The following STAU2 variants were observed in gnomAD, a reference collection of about 807,000 sequenced individuals.
STAU2 encodes double-stranded RNA-binding protein Staufen homolog 2.
STAU2 carries 20 observed loss-of-function variants against 65.9 expected under a neutral mutation model. That is an observed-to-expected ratio of 0.30 (90% CI 0.21 to 0.44). The LOEUF (loss-of-function observed/expected upper bound fraction) is 0.44. Ranked by LOEUF, STAU2 falls within the 20% of genes least tolerant of loss-of-function variation. STAU2 has a pLI of 1.00. For synonymous variants in STAU2, 232 were observed against 233.9 expected, an observed-to-expected ratio of 0.99 and a Z score of 0.07; for missense variants, 558 against 683.9, an observed-to-expected ratio of 0.82 and a Z score of 2.05.
intron 13 of STAU2, chr8:73,549,494 G>T: frequency 9.4e-6 from 3 of 319,160 alleles, no homozygotes; most frequent in Non-Finnish European, 1.4e-5. Flanking sequence ...AGGTTTAAAA[G>T]AATTTGAGCT....
At chr8:73,704,376 A>C (rs1468570882) in intron 4 of STAU2, among the ~76,000 whole-genome samples, 1 of 152,344 alleles carries the variant, frequency 6.6e-6, no homozygotes, top group Non-Finnish European at 1.5e-5. Flanking sequence ...CTATTTGAAC[A>C]AACCAAATGT....
chr8:73,741,162 G>A (rs969375896), intron 1 of STAU2, among the ~76,000 whole-genome samples: 2 of 150,504 alleles, frequency 1.3e-5, no homozygotes, highest in Admixed American at 6.6e-5. Flanking sequence ...AATATTAGCC[G>A]GGCGTGGTGG....
chr8:73,744,052 G>A (rs755257039), intron 1 of STAU2, among the ~76,000 whole-genome samples: 1 of 152,164 alleles, frequency 6.6e-6, no homozygotes, highest in African/African-American at 2.4e-5. Flanking sequence ...TTACAGGCAT[G>A]AGCCACCCCA....
At chr8:73,524,250 A>AG (rs1000216953) in intron 13 of STAU2, among the ~76,000 whole-genome samples, 2 of 152,148 alleles carry the variant, frequency 1.3e-5, no homozygotes, top group Non-Finnish European at 2.9e-5. Flanking sequence ...GACGGGGACT[A>AG]GGGGTTCAAG....
intron 6 of STAU2, among the ~76,000 whole-genome samples, chr8:73,624,322 G>C (rs776850711): frequency 4.1e-4 from 62 of 152,088 alleles, no homozygotes; most frequent in Admixed American, 9.8e-4. Flanking sequence ...ACTATGCAAA[G>C]CACAGCACGT....
At chr8:73,735,645 ATT>A (rs1224536979) in intron 3 of STAU2, among the ~76,000 whole-genome samples, 2 of 152,244 alleles carry the variant, frequency 1.3e-5, no homozygotes, top group Non-Finnish European at 2.9e-5. Context: ...AGTGCCAAGC[ATT>A]TTGGATAAGG....
rs1818429401 is a variant in STAU2 at position 73,681,496 on chromosome 8, T to C, written c.274+7158A>G. ...TAAATCTTGAAACAAAGCCTCAGAATACACCAAAACAGAACCTCCTTAAAG... is the reference window on the plus strand; with the variant it reads ...TAAATCTTGAAACAAAGCCTCAGAACACACCAAAACAGAACCTCCTTAAAG... On this transcript the variant is annotated intron_variant, in intron 5 of 14. Transcript: ENST00000524300. Among the ~76,000 whole-genome samples, 6 of 152,108 alleles carry C rather than the reference T, an allele frequency of 3.9e-5. 1 individual carries two copies. The South Asian group carries it at 1.2e-3, about 32-fold the overall frequency.
At chr8:73,727,581 T>A (rs1360931209) in intron 3 of STAU2, among the ~76,000 whole-genome samples, 1 of 152,248 alleles carries the variant, frequency 6.6e-6, no homozygotes, top group Admixed American at 6.5e-5. Flanking sequence ...ATTTATGGAA[T>A]ACAGACTACT....
intron 11 of STAU2, among the ~76,000 whole-genome samples, chr8:73,585,459 AACG>A (rs1442965301): frequency 6.6e-6 from 1 of 152,236 alleles, no homozygotes; most frequent in African/African-American, 2.4e-5. Flanking sequence ...CAGCCTGGAC[AACG>A]AGAGTGAAAC....
At chr8:73,467,026 C>G (rs1476027421) in intron 13 of STAU2, among the ~76,000 whole-genome samples, 1 of 152,332 alleles carries the variant, frequency 6.6e-6, no homozygotes, top group Middle Eastern at 3.4e-3. Context: ...ATAAACTGTT[C>G]AGGAAGTTTT....
intron 13 of STAU2, among the ~76,000 whole-genome samples, chr8:73,509,433 C>T (rs1822260566): frequency 1.3e-5 from 2 of 152,042 alleles, no homozygotes; most frequent in African/African-American, 4.8e-5. Flanking sequence ...TTCCTCTAAT[C>T]TGTGGCTTTT....
At chr8:73,618,270 G>C (rs528661062) in intron 6 of STAU2, among the ~76,000 whole-genome samples, 6 of 152,168 alleles carry the variant, frequency 3.9e-5, no homozygotes, top group Non-Finnish European at 8.8e-5. Context: ...AAAGTAAAGA[G>C]GAAAGGGTTC....
chr8:73,585,495 T>A (rs543397014), intron 11 of STAU2, among the ~76,000 whole-genome samples: 66 of 152,314 alleles, frequency 4.3e-4, no homozygotes, highest in African/African-American at 1.5e-3. Flanking sequence ...CATGTATATA[T>A]TATACAATTT....
chr8:73,611,136 C>A (rs910400519), intron 9 of STAU2, among the ~76,000 whole-genome samples: 27 of 152,070 alleles, frequency 1.8e-4, no homozygotes, highest in Admixed American at 1.7e-3. Flanking sequence ...ATAAGCCATA[C>A]AAGGAAGTGA....
chr8:73,663,335 T>C (rs897151346), intron 6 of STAU2, among the ~76,000 whole-genome samples: 1 of 152,166 alleles, frequency 6.6e-6, no homozygotes, highest in Non-Finnish European at 1.5e-5. Context: ...CTTGCAAATG[T>C]AAAAAACATT....
chr8:73,469,534 C>T (rs184885948), intron 13 of STAU2, among the ~76,000 whole-genome samples: 8 of 150,600 alleles, frequency 5.3e-5, no homozygotes, highest in South Asian at 4.2e-4. Context: ...AGTAAGGAGA[C>T]GGGACAGATG....
intron 13 of STAU2, among the ~76,000 whole-genome samples, chr8:73,528,864 G>A (rs1805615273): frequency 6.6e-6 from 1 of 152,020 alleles, no homozygotes; most frequent in Non-Finnish European, 1.5e-5. Flanking sequence ...TTTTATTGCA[G>A]AATATGGCCT....
chr8:73,521,119 T>G (rs562057659), intron 13 of STAU2, among the ~76,000 whole-genome samples: 1 of 152,314 alleles, frequency 6.6e-6, no homozygotes, highest in South Asian at 2.1e-4. Flanking sequence ...TTCCCTTTCT[T>G]AGTTCTAAAA....
chr8:73,667,040 C>T (rs1261319691), intron 6 of STAU2, among the ~76,000 whole-genome samples: 1 of 152,124 alleles, frequency 6.6e-6, no homozygotes, highest in African/African-American at 2.4e-5. Flanking sequence ...TTTCCAAAAA[C>T]CTGCTCCAAC....
Sources: gnomAD v4.1 joint callset for allele counts (sites outside exome capture counted in the v4.1 genomes callset) on GRCh38, gnomAD v4.1.1 for gene constraint, MANE v1.5 for transcripts, NCBI Gene and HGNC (gene_info 2026-07-23, HGNC 2026-07-21) for gene names.